NXPH1: variants seen among roughly 807,000 people sequenced by gnomAD.
The protein encoded by NXPH1 is neurexophilin-1.
NXPH1 carries 5 observed loss-of-function variants against 23.7 expected under a neutral mutation model. The observed-to-expected ratio is 0.21, with a 90% CI of 0.11 to 0.44. The LOEUF is 0.44. Among genes scored for constraint, NXPH1 ranks in the 20% least tolerant of loss-of-function variants. The probability of loss-of-function intolerance (pLI) is 0.99; values close to 1 mark genes in which losing one functional copy is unlikely to be tolerated. For synonymous variants in NXPH1, 144 were observed against 122.2 expected (o/e 1.18, Z -1.18); for missense variants, 324 against 321.6 (o/e 1.01, Z -0.06).
chr7:8,533,577 A>G (rs1018782858), intron 2 of NXPH1, among the ~76,000 whole-genome samples: 4 of 152,152 alleles, frequency 2.6e-5, no homozygotes, highest in African/African-American at 9.7e-5. Context: ...GTTTATGGTT[A>G]TTTATGGCTA....
intron 2 of NXPH1, among the ~76,000 whole-genome samples, chr7:8,688,163 T>C (rs1010214573): frequency 6.6e-6 from 1 of 152,144 alleles, no homozygotes; most frequent in Admixed American, 6.6e-5. Context: ...TATAAGGGTG[T>C]CTTCAAAATG....
intron 2 of NXPH1, among the ~76,000 whole-genome samples, chr7:8,643,282 T>A (rs1165174659): frequency 6.6e-6 from 1 of 152,194 alleles, no homozygotes; most frequent in East Asian, 1.9e-4. Context: ...TAATAATATA[T>A]GTATATGTAC....
Position 8,656,046 on chromosome 7 carries a change from G to C in NXPH1, c.55-94962G>C, listed in dbSNP as rs115044010. ...TGCATCTCTAGTGCATAGCAGTTTG[G>C]TGGCACAAATTAGATGTAAGATAAA... On this transcript the variant is annotated intron_variant, in intron 2 of 2. Coordinates refer to ENST00000405863, the MANE Select transcript of NXPH1 (RefSeq NM_152745.3). Among the ~76,000 whole-genome samples the C allele has an allele frequency of 2.3e-3, 349 of 152,314 alleles. 1 individual carries two copies. The highest frequency in any genetic ancestry group is 8.0e-3 in the African/African-American group (332 of 41,564).
intron 2 of NXPH1, among the ~76,000 whole-genome samples, chr7:8,553,174 G>A (rs2128619875): frequency 6.6e-6 from 1 of 151,602 alleles, no homozygotes; most frequent in Admixed American, 6.6e-5. Context: ...AGCAGAGCTG[G>A]ACAAACAAAT....
At chr7:8,719,765 T>C (rs1262540199) in intron 2 of NXPH1, among the ~76,000 whole-genome samples, 1 of 152,156 alleles carries the variant, frequency 6.6e-6, no homozygotes, top group Non-Finnish European at 1.5e-5. Flanking sequence ...ATTTAAATTA[T>C]GGAAATGAAA....
chr7:8,680,879 C>T (rs1412056766), intron 2 of NXPH1, among the ~76,000 whole-genome samples: 2 of 152,214 alleles, frequency 1.3e-5, no homozygotes, highest in African/African-American at 2.4e-5. Context: ...TTTCTATTAA[C>T]AGAATATTAG....
chr7:8,549,134 C>T (rs767309880), intron 2 of NXPH1, among the ~76,000 whole-genome samples: 1 of 151,508 alleles, frequency 6.6e-6, no homozygotes, highest in East Asian at 2.0e-4. Context: ...AACAAGTTTA[C>T]TGAAGAGCCA....
chr7:8,569,501 G>T (rs969730648), intron 2 of NXPH1, among the ~76,000 whole-genome samples: 1 of 151,820 alleles, frequency 6.6e-6, no homozygotes, highest in Non-Finnish European at 1.5e-5. Flanking sequence ...AAACTTATGA[G>T]TAAAATGATA....
intron 2 of NXPH1, among the ~76,000 whole-genome samples, chr7:8,458,156 T>C (rs566011078): frequency 2.6e-5 from 4 of 152,368 alleles, no homozygotes; most frequent in Non-Finnish European, 5.9e-5. Flanking sequence ...TCTTCCTATG[T>C]AATCTGTGGG....
intron 2 of NXPH1, among the ~76,000 whole-genome samples, chr7:8,571,980 G>C (rs1454248051): frequency 2.6e-5 from 4 of 151,756 alleles, no homozygotes; most frequent in Admixed American, 1.3e-4. Context: ...CAAGGGGTAG[G>C]CTTGAAAGGT....
At chr7:8,538,669 G>A (rs1372125121) in intron 2 of NXPH1, among the ~76,000 whole-genome samples, 2 of 151,872 alleles carry the variant, frequency 1.3e-5, no homozygotes, top group Non-Finnish European at 2.9e-5. Context: ...TCTCCACATT[G>A]TCTCCTCATT....
chr7:8,557,227 G>A (rs531950980), intron 2 of NXPH1, among the ~76,000 whole-genome samples: 3 of 151,662 alleles, frequency 2.0e-5, no homozygotes, highest in East Asian at 2.0e-4. Flanking sequence ...GGTACATCCC[G>A]GGCTTTTGTT....
At chr7:8,621,343 G>C (rs1053133786) in intron 2 of NXPH1, among the ~76,000 whole-genome samples, 7 of 152,186 alleles carry the variant, frequency 4.6e-5, no homozygotes, top group African/African-American at 1.7e-4. Flanking sequence ...GAGGAAGGTA[G>C]TGACTCAACA....
At chr7:8,494,856 G>A (rs1302823494) in intron 2 of NXPH1, among the ~76,000 whole-genome samples, 4 of 152,026 alleles carry the variant, frequency 2.6e-5, no homozygotes, top group African/African-American at 4.8e-5. Flanking sequence ...TTGTGGTGGT[G>A]AGAACATGAT....
intron 2 of NXPH1, among the ~76,000 whole-genome samples, chr7:8,562,792 G>A (rs1365901945): frequency 6.6e-6 from 1 of 151,596 alleles, no homozygotes; most frequent in Non-Finnish European, 1.5e-5. Context: ...TTAAAAATGT[G>A]TATTGGTATG....
chr7:8,732,168 C>G (rs549835467), intron 2 of NXPH1, among the ~76,000 whole-genome samples: 20 of 152,370 alleles, frequency 1.3e-4, no homozygotes, highest in African/African-American at 4.6e-4. Flanking sequence ...CTTGCGCTTC[C>G]TGAGTGAGGC....
At chr7:8,713,604 TC>T (rs1315318046) in intron 2 of NXPH1, among the ~76,000 whole-genome samples, 2 of 152,174 alleles carry the variant, frequency 1.3e-5, no homozygotes, top group Admixed American at 6.5e-5. Context: ...GGGAAGCCTT[TC>T]CAGGTATTCA....
intron 2 of NXPH1, among the ~76,000 whole-genome samples, chr7:8,498,383 G>C (rs535231129): frequency 2.0e-5 from 3 of 152,100 alleles, no homozygotes; most frequent in African/African-American, 4.8e-5. Flanking sequence ...TTTTGTCTTG[G>C]CTGAAATTGG....
chr7:8,730,480 G>C (rs1049120668), intron 2 of NXPH1, among the ~76,000 whole-genome samples: 9 of 151,938 alleles, frequency 5.9e-5, no homozygotes. Flanking sequence ...AGCTGGTACC[G>C]GTTGTTCCTT....
Sources: gnomAD v4.1 joint callset for allele counts (sites outside exome capture counted in the v4.1 genomes callset) on GRCh38, gnomAD v4.1.1 for gene constraint, MANE v1.5 for transcripts, NCBI Gene and HGNC (gene_info 2026-07-23, HGNC 2026-07-21) for gene names.